CUX1: variants seen among roughly 807,000 people sequenced by gnomAD.
CUX1 encodes protein CASP.
A neutral mutation model predicts 158.8 loss-of-function variants in CUX1; 31 were observed. The ratio of observed to expected loss-of-function variants is 0.20; its 90% CI spans 0.15 to 0.26. The LOEUF (loss-of-function observed/expected upper bound fraction) is 0.26, where lower values mean the gene tolerates loss of function less well. Among genes scored for constraint, CUX1 ranks in the 10% least tolerant of loss-of-function variants. The pLI, the probability that CUX1 is intolerant of heterozygous loss-of-function variation, is 1.00. For missense variants in CUX1, 1,589 were observed against 2,014.6 expected (o/e 0.79, Z 4.04); for synonymous variants, 879 against 862.1 (o/e 1.02, Z -0.34).
intron 4 of CUX1, among the ~76,000 whole-genome samples, chr7:102,077,053 T>C (rs970118925): frequency 6.8e-6 from 1 of 146,598 alleles, no homozygotes; most frequent in African/African-American, 2.5e-5. Context: ...AAAAAAAAAT[T>C]AGAAAAAAGA....
At chr7:101,936,890 A>G (rs958744928) in intron 2 of CUX1, among the ~76,000 whole-genome samples, 9 of 152,158 alleles carry the variant, frequency 5.9e-5, no homozygotes, top group African/African-American at 2.2e-4. Flanking sequence ...GCGTTTTCCT[A>G]ACATGGCTAA....
intron 20 of CUX1, among the ~76,000 whole-genome samples, chr7:102,210,629 T>C (rs1586232928): frequency 6.6e-6 from 1 of 152,224 alleles, no homozygotes; most frequent in South Asian, 2.1e-4. Flanking sequence ...GATGGTCCCC[T>C]GCCCTTGGCT....
At chr7:101,900,533 C>T (rs1395717459) in intron 1 of CUX1, among the ~76,000 whole-genome samples, 4 of 152,202 alleles carry the variant, frequency 2.6e-5, no homozygotes, top group Non-Finnish European at 5.9e-5. Flanking sequence ...CTTGGCCTGG[C>T]ATAAGCTCTC....
chr7:102,252,290 T>G lies in CUX1; in HGVS notation c.*3248T>G. ...GGAGTCTAAGGGTTAATCTCTCATC[T>G]TGCTAAGCAGTATTCAAGTGCCTTG... is the stretch of plus-strand genomic sequence containing the variant. On this transcript the variant is annotated 3_prime_UTR_variant, in exon 24 of 24. Transcript: ENST00000292535. 1 of 985,440 alleles carries G rather than the reference T, an allele frequency of 1.0e-6. No individual in the cohort carries two copies. Among genetic ancestry groups the G allele is most frequent in the Non-Finnish European group, 1.2e-6 (1 of 829,936 alleles). The allele number at this position is 985,440 out of a possible 1,614,324, so 61.0% of individuals were successfully genotyped here.
chr7:101,951,806 T>A (rs1809097905), intron 2 of CUX1, among the ~76,000 whole-genome samples: 1 of 152,252 alleles, frequency 6.6e-6, no homozygotes, highest in South Asian at 2.1e-4. Context: ...TGCATTTTTC[T>A]TATCACCCAT....
intron 1 of CUX1, among the ~76,000 whole-genome samples, chr7:101,819,729 T>G (rs1792264081): frequency 6.6e-6 from 1 of 152,220 alleles, no homozygotes; most frequent in African/African-American, 2.4e-5. Flanking sequence ...GAAGGGGTCA[T>G]TGGCAGTTGA....
intron 1 of CUX1, among the ~76,000 whole-genome samples, chr7:101,902,295 C>T (rs1038572895): frequency 2.6e-5 from 4 of 152,116 alleles, no homozygotes; most frequent in South Asian, 4.2e-4. Context: ...TGAAATGGGG[C>T]GGTACCTCCC....
intron 2 of CUX1, among the ~76,000 whole-genome samples, chr7:101,948,679 G>A (rs987390733): frequency 3.3e-5 from 5 of 152,172 alleles, no homozygotes; most frequent in African/African-American, 1.2e-4. Context: ...TGCTGGGGGG[G>A]CATCACAGAG....
At chr7:101,924,879 A>T (rs1563016922) in intron 2 of CUX1, among the ~76,000 whole-genome samples, 1 of 151,782 alleles carries the variant, frequency 6.6e-6, no homozygotes, top group Non-Finnish European at 1.5e-5. Context: ...CTGGCCTTTG[A>T]TGCTTTCTAA....
intron 2 of CUX1, among the ~76,000 whole-genome samples, chr7:102,006,185 G>A (rs1003599636): frequency 5.3e-5 from 8 of 152,096 alleles, no homozygotes; most frequent in East Asian, 1.9e-4. Flanking sequence ...AAAAAGACCC[G>A]CGGGGTCCAC....
intron 2 of CUX1, among the ~76,000 whole-genome samples, chr7:101,987,111 G>T (rs554509629): frequency 1.3e-5 from 2 of 152,136 alleles, no homozygotes; most frequent in African/African-American, 4.8e-5. Context: ...GACCTCGTCC[G>T]TCTTGGAATG....
chr7:102,106,782 A>G (rs1158146506), intron 6 of CUX1, among the ~76,000 whole-genome samples: 1 of 152,086 alleles, frequency 6.6e-6, no homozygotes, highest in Non-Finnish European at 1.5e-5. Flanking sequence ...CACCTCCATA[A>G]AGCTGCCTTC....
In CUX1 at chr7:102,249,080, G is replaced by A. The variant is rs782440827; in HGVS notation, c.*38G>A. 31 of 1,248,152 alleles carry A rather than the reference G, an allele frequency of 2.5e-5. No individual in the cohort carries two copies. The African/African-American group carries it at 3.6e-4, about 15-fold the overall frequency. The allele number at this position is 1,248,152 out of a possible 1,614,324, so 77.3% of individuals were successfully genotyped here. On this transcript the variant is annotated 3_prime_UTR_variant, in exon 24 of 24. Transcript: ENST00000292535. ...CTGGGGCGGGCAGCCAGGCTGGGCC[G>A]CAAGGGCCTGGACGGGGTCGGACGG...
intron 1 of CUX1, among the ~76,000 whole-genome samples, chr7:101,875,988 C>G (rs1343256489): frequency 2.0e-5 from 3 of 152,154 alleles, no homozygotes; most frequent in Non-Finnish European, 4.4e-5. Context: ...ATGCATTATT[C>G]AGATATTTTC....
chr7:102,186,568 A>AC (rs1793635944), intron 11 of CUX1, among the ~76,000 whole-genome samples: 1 of 147,110 alleles, frequency 6.8e-6, no homozygotes, highest in Admixed American at 7.0e-5. Context: ...ACTTGCACAA[A>AC]CCTAGATAGT....
intron 1 of CUX1, among the ~76,000 whole-genome samples, chr7:101,893,095 A>G (rs1416306578): frequency 6.8e-6 from 1 of 148,022 alleles, no homozygotes; most frequent in Non-Finnish European, 1.5e-5. Context: ...TGATAACATC[A>G]TATTTTGCTT....
At chr7:102,040,262 A>G (rs1212686061) in intron 3 of CUX1, among the ~76,000 whole-genome samples, 1 of 152,154 alleles carries the variant, frequency 6.6e-6, no homozygotes, top group Non-Finnish European at 1.5e-5. Flanking sequence ...TCATCCAGGG[A>G]GGCCTCTCCA....
rs183871620 is a variant in CUX1 at position 102,108,075 on chromosome 7, G to T, written c.530+3616G>T. Among the ~76,000 whole-genome samples the T allele has an allele frequency of 3.6e-4, 55 of 152,312 alleles. 2 individuals are homozygous for T. In the East Asian group the frequency reaches 6.0e-3, roughly 17 times the overall value. ...CCAGTGAGTGATCAAGGGGGAAAAC[G>T]CGAGCAATCTCAGTGCCCTGCCATG... On this transcript the variant is annotated intron_variant, in intron 6 of 23. Coordinates refer to ENST00000292535, the MANE Select transcript of CUX1 (RefSeq NM_181552.4).
intron 2 of CUX1, among the ~76,000 whole-genome samples, chr7:101,975,956 C>T (rs1053107362): frequency 6.6e-6 from 1 of 152,196 alleles, no homozygotes; most frequent in Admixed American, 6.5e-5. Flanking sequence ...GCCTGGCCAA[C>T]ATGGTGAAAC....
Sources: gnomAD v4.1 joint callset for allele counts (sites outside exome capture counted in the v4.1 genomes callset) on GRCh38, gnomAD v4.1.1 for gene constraint, MANE v1.5 for transcripts, NCBI Gene and HGNC (gene_info 2026-07-23, HGNC 2026-07-21) for gene names.